DDX21: variants seen among roughly 807,000 people sequenced by gnomAD.
The protein encoded by DDX21 is nucleolar RNA helicase 2.
Under a neutral mutation model 90.0 loss-of-function variants are expected in DDX21, and 18 were observed. That is an observed-to-expected ratio of 0.20 (90% CI 0.14 to 0.30). DDX21 has a LOEUF of 0.30. Among genes scored for constraint, DDX21 ranks in the 10% least tolerant of loss-of-function variants. The pLI, the probability that DDX21 is intolerant of heterozygous loss-of-function variation, is 1.00. For synonymous variants in DDX21, 294 were observed against 318.0 expected, an observed-to-expected ratio of 0.92 and a Z score of 0.80; for missense variants, 673 against 944.5, an observed-to-expected ratio of 0.71 and a Z score of 3.77.
intron 1 of DDX21, among the ~76,000 whole-genome samples, chr10:68,957,882 C>T (rs979758382): frequency 1.3e-5 from 2 of 152,110 alleles, no homozygotes; most frequent in Non-Finnish European, 2.9e-5. Flanking sequence ...CCAGAACAGG[C>T]TTCTAAGGAG....
At chr10:68,971,835 A>T in intron 8 of DDX21, 56 bp from the exon 9 acceptor site, 1 of 1,567,902 alleles carries the variant, frequency 6.4e-7, no homozygotes, top group Non-Finnish European at 8.7e-7. Flanking sequence ...TGATGAAGAG[A>T]AAAAGTACTT....
intron 1 of DDX21, among the ~76,000 whole-genome samples, chr10:68,958,143 G>A (rs1842825414): frequency 6.6e-6 from 1 of 152,050 alleles, no homozygotes; most frequent in Admixed American, 6.5e-5. Flanking sequence ...TTGAGATGGA[G>A]TTTTGCTGTC....
rs1842983018 is a variant in DDX21, at chr10:68,969,038, G to T, written c.1153G>T (p.Val385Phe). 1 of 1,613,690 alleles carries T rather than the reference G, an allele frequency of 6.2e-7. No individual in the cohort carries two copies. The highest frequency in any genetic ancestry group is 8.5e-7 in the Non-Finnish European group (1 of 1,179,914). The change falls in exon 7 of 15, where the codon GTT (valine) becomes TTT (phenylalanine). Residue 385 changes from valine to phenylalanine, a missense_variant. Around this residue, in one of 4 missense-constraint regions of DDX21, gnomAD observed 218 missense variants for 347.3 expected, o/e 0.63. Transcript: ENST00000354185. ...AACTTGCCCTCATTGGGTATTTAAT[G>T]TTGCCAAGAAATACATGAAATCTAC... Reference protein sequence around the residue: ...SATCPHWVFNVAKKYMKSTYE... With the variant: ...SATCPHWVFNFAKKYMKSTYE...
chr10:68,977,730 G>T (rs1399922116), intron 12 of DDX21, 42 bp downstream of exon 12: 1 of 1,563,458 alleles, frequency 6.4e-7, no homozygotes, highest in African/African-American at 1.4e-5. Context: ...ATAATTTGGG[G>T]TATGAGCAGG....
At chr10:68,963,059 C>A (rs1842892637) in intron 3 of DDX21, among the ~76,000 whole-genome samples, 1 of 152,094 alleles carries the variant, frequency 6.6e-6, no homozygotes, top group Non-Finnish European at 1.5e-5. Context: ...CCCAGGAGTT[C>A]AAGGCTGCAA....
At chr10:68,975,399 C>T (rs1843085176) in intron 11 of DDX21, among the ~76,000 whole-genome samples, 1 of 152,118 alleles carries the variant, frequency 6.6e-6, no homozygotes, top group Middle Eastern at 3.2e-3. Flanking sequence ...GTGGCTGATT[C>T]CCCTGTGCCA....
intron 1 of DDX21, among the ~76,000 whole-genome samples, chr10:68,957,615 A>G (rs1842816214): frequency 6.6e-6 from 1 of 152,216 alleles, no homozygotes; most frequent in Non-Finnish European, 1.5e-5. Context: ...ATTGCGTTCA[A>G]TTTGGCATGC....
At chr10:68,963,521 T>C in intron 4 of DDX21, 52 bp downstream of exon 4, 9 of 1,535,058 alleles carry the variant, frequency 5.9e-6, no homozygotes, top group Non-Finnish European at 7.9e-6. Flanking sequence ...AAACCACCAC[T>C]TGGGCATTGT....
chr10:68,979,593 G>C (rs1180570216), intron 13 of DDX21, among the ~76,000 whole-genome samples: 4 of 152,172 alleles, frequency 2.6e-5, no homozygotes, highest in Non-Finnish European at 5.9e-5. Context: ...AAACTCCACT[G>C]TACCCTTGAG....
At position 68,982,700 on chromosome 10, in the gene DDX21, A is replaced by G; in HGVS notation, c.2240A>G (p.Gln747Arg). 6.2e-7 allele frequency: 1 copy of G among 1,614,164 alleles called. No individual in the cohort carries two copies. The highest frequency in any genetic ancestry group is 1.3e-5 in the African/African-American group (1 of 75,020). Residue 747 changes from glutamine (Q) to arginine (R), a missense_variant, in exon 15 of 15, where the codon CAG becomes CGG. Physicochemically the swap from Gln to Arg is conservative, Grantham distance 43 (BLOSUM62 1). Coordinates refer to ENST00000354185, the MANE Select transcript of DDX21 (RefSeq NM_004728.4). ...GACGGAAACAGAAGATTCAGAGGACAGCGGGAAGGCAGTAGAGGCCCGAGA... is the reference window on the plus strand; with the variant it reads ...GACGGAAACAGAAGATTCAGAGGACGGCGGGAAGGCAGTAGAGGCCCGAGA... ...QRDGNRRFRGQREGSRGPRGQ... is the reference protein window; with the variant it reads ...QRDGNRRFRGRREGSRGPRGQ...
intron 2 of DDX21, among the ~76,000 whole-genome samples, chr10:68,961,353 G>C (rs1589282802): frequency 6.6e-6 from 1 of 152,156 alleles, no homozygotes; most frequent in African/African-American, 2.4e-5. Flanking sequence ...CAGACATTTT[G>C]CAAAAAGAAA....
In DDX21 at chr10:68,963,297, G is replaced by A. The variant is rs1397306215; in HGVS notation, c.614G>A (p.Gly205Glu). Residue 205 changes from glycine to glutamate, a missense_variant, in exon 4 of 15, where the codon GGA (glycine) becomes GAA (glutamate). Transcript: ENST00000354185. Reference sequence around the variant, plus strand: ...ACAGTTAATTTGTTCATAGGCCGAGGAGTGACCTTCCTATTTCCTATACAA... The same window carrying A: ...ACAGTTAATTTGTTCATAGGCCGAGAAGTGACCTTCCTATTTCCTATACAA... Reference protein sequence around the residue: ...EETIKLLKGRGVTFLFPIQAK... With the variant: ...EETIKLLKGREVTFLFPIQAK... 1.9e-6 allele frequency: 3 copies of A among 1,610,664 alleles called. No homozygotes were observed. The highest frequency in any genetic ancestry group is 2.5e-6 in the Non-Finnish European group (3 of 1,178,678).
intron 12 of DDX21, among the ~76,000 whole-genome samples, chr10:68,977,956 A>T (rs561353135): frequency 6.6e-6 from 1 of 152,088 alleles, no homozygotes; most frequent in South Asian, 2.1e-4. Context: ...AAAAAATAAA[A>T]AAAAAAAAAA....
intron 12 of DDX21, among the ~76,000 whole-genome samples, chr10:68,978,215 G>A (rs1843133538): frequency 6.6e-6 from 1 of 152,164 alleles, no homozygotes; most frequent in African/African-American, 2.4e-5. Context: ...CTGACTGGCT[G>A]TGTGGAGGGA....
chr10:68,959,720 T>A, intron 1 of DDX21, 86 bp from the exon 2 acceptor site: 1 of 1,025,780 alleles, frequency 9.7e-7, no homozygotes, highest in Non-Finnish European at 1.3e-6. Flanking sequence ...TTGAAAATGA[T>A]CTTGAAATAA....
chr10:68,981,647 G>GAGAAT (rs1242794501), intron 14 of DDX21, 66 bp downstream of exon 14: 7 of 1,300,322 alleles, frequency 5.4e-6, no homozygotes, highest in Non-Finnish European at 6.6e-6. Flanking sequence ...TATGAAAATA[G>GAGAAT]AGAATAATAG....
intron 1 of DDX21, among the ~76,000 whole-genome samples, chr10:68,958,914 T>A (rs1842837142): frequency 1.3e-5 from 2 of 152,160 alleles, no homozygotes; most frequent in Non-Finnish European, 2.9e-5. Context: ...TCTTGTAAGA[T>A]AGGCAAAGTG....
In DDX21 at chr10:68,969,159, A is replaced by G. The variant is rs374596922; in HGVS notation, c.1236+38A>G. Reference sequence around the variant, plus strand: ...CTTAGTTGCCAGAATATAAAATTGTATATATTTTTTTCTTGTCTGTTAGTA... The same window carrying G: ...CTTAGTTGCCAGAATATAAAATTGTGTATATTTTTTTCTTGTCTGTTAGTA... On this transcript the variant is annotated intron_variant, in intron 7 of 14. Coordinates refer to ENST00000354185, the MANE Select transcript of DDX21 (RefSeq NM_004728.4). 12 of 1,568,482 alleles carry G rather than the reference A, an allele frequency of 7.7e-6. No individual in the cohort carries two copies. In the East Asian group the frequency reaches 2.0e-4, roughly 27 times the overall value.
In DDX21 at chr10:68,983,668, G is replaced by A. The variant is rs1843226573; in HGVS notation, c.*856G>A. The A allele has an allele frequency of 6.7e-6, 1 of 148,858 alleles. No homozygotes were observed. The highest frequency in any genetic ancestry group is 1.5e-5 in the Non-Finnish European group (1 of 67,556). The allele number at this position is 148,858 out of a possible 1,614,324, so 9.2% of individuals were successfully genotyped here. On this transcript the variant is annotated 3_prime_UTR_variant, in exon 15 of 15. Coordinates refer to ENST00000354185, the MANE Select transcript of DDX21 (RefSeq NM_004728.4). ...ACCAAGAAGGACTTAAGGGAGTAGG[G>A]GGCGCAGATTAGCATTGCTCAAGAG...
Sources: allele counts gnomAD v4.1 joint callset (sites outside exome capture counted in the v4.1 genomes callset), GRCh38; gene constraint gnomAD v4.1.1; regional missense constraint gnomAD v4.1.1; transcripts MANE v1.5; gene names NCBI Gene and HGNC (gene_info 2026-07-23, HGNC 2026-07-21).